The following FMN1 variants were observed in gnomAD, a reference collection of about 807,000 sequenced individuals.
FMN1 encodes the protein formin-1.
A neutral mutation model predicts 132.4 loss-of-function variants in FMN1; 110 were observed. That is an observed-to-expected ratio of 0.83 (90% CI 0.71 to 0.97). The LOEUF (loss-of-function observed/expected upper bound fraction) is 0.97. Among genes scored for constraint, FMN1 ranks in the 50% least tolerant of loss-of-function variants. The pLI is 0.00. For missense variants in FMN1, 1,792 were observed against 1,705.3 expected, an observed-to-expected ratio of 1.05 and a Z score of -0.90; for synonymous variants, 722 against 651.7, an observed-to-expected ratio of 1.11 and a Z score of -1.64.
intron 4 of FMN1, among the ~76,000 whole-genome samples, chr15:33,111,854 T>TA (rs1264103676): frequency 6.6e-6 from 1 of 152,160 alleles, no homozygotes; most frequent in African/African-American, 2.4e-5. Context: ...GAAAATGTTA[T>TA]AAAGTTGATT....
intron 15 of FMN1, among the ~76,000 whole-genome samples, chr15:32,889,656 T>C (rs1287446651): frequency 1.3e-5 from 2 of 152,194 alleles, no homozygotes; most frequent in African/African-American, 4.8e-5. Context: ...ATACTCATCC[T>C]TTAAGTCTTA....
chr15:33,048,118 TAAA>T (rs927744611), intron 6 of FMN1, among the ~76,000 whole-genome samples: 1 of 121,422 alleles, frequency 8.2e-6, no homozygotes, highest in African/African-American at 3.0e-5. Context: ...ATGGGTAAAA[TAAA>T]AATGTCTTCA....
At chr15:32,911,505 T>C (rs2060561787) in intron 10 of FMN1, among the ~76,000 whole-genome samples, 1 of 152,188 alleles carries the variant, frequency 6.6e-6, no homozygotes, top group Non-Finnish European at 1.5e-5. Flanking sequence ...CATTACACCA[T>C]GGTTTTTGGG....
At chr15:32,968,542 T>C (rs2031458407) in intron 8 of FMN1, among the ~76,000 whole-genome samples, 172 bp downstream of exon 8, 1 of 152,112 alleles carries the variant, frequency 6.6e-6, no homozygotes, top group African/African-American at 2.4e-5. Context: ...GAGGCCCTGA[T>C]GGAGACAGAC....
At chr15:33,027,090 A>G (rs969954758) in intron 6 of FMN1, among the ~76,000 whole-genome samples, 34 of 152,096 alleles carry the variant, frequency 2.2e-4, no homozygotes, top group African/African-American at 7.7e-4. Flanking sequence ...TTTTAATGCA[A>G]AAGTTTGGAA....
chr15:33,098,507 A>C (rs1208310908), intron 4 of FMN1, among the ~76,000 whole-genome samples: 2 of 152,200 alleles, frequency 1.3e-5, no homozygotes, highest in Non-Finnish European at 2.9e-5. Context: ...CTGGGAGACA[A>C]TGACACAGGA....
chr15:33,117,361 TCGA>T (rs1335338920), intron 4 of FMN1, among the ~76,000 whole-genome samples: 1 of 151,630 alleles, frequency 6.6e-6, no homozygotes, highest in Non-Finnish European at 1.5e-5. Flanking sequence ...CTTGAAAGCA[TCGA>T]AACCATAGCT....
At chr15:33,140,466 G>A (rs935531168) in intron 4 of FMN1, among the ~76,000 whole-genome samples, 31 of 152,170 alleles carry the variant, frequency 2.0e-4, no homozygotes, top group African/African-American at 7.2e-4. Flanking sequence ...GGCAAGGAAC[G>A]ACAGATTCCC....
intron 9 of FMN1, 91 bp downstream of exon 9, chr15:32,964,016 T>TACACAC (rs374980152): frequency 0.16 from 78,527 of 500,120 alleles, 1,405 homozygotes; most frequent in East Asian, 0.23. Context: ...GTATATACGA[T>TACACAC]ACACACACAC....
intron 7 of FMN1, among the ~76,000 whole-genome samples, chr15:32,981,593 G>A (rs1472061010): frequency 6.7e-6 from 1 of 149,642 alleles, no homozygotes; most frequent in Non-Finnish European, 1.5e-5. Flanking sequence ...AGACTCAACA[G>A]CCTTTGAGTC....
At chr15:32,907,908 C>T (rs868149772) in intron 12 of FMN1, among the ~76,000 whole-genome samples, 4 of 152,050 alleles carry the variant, frequency 2.6e-5, no homozygotes, top group Admixed American at 6.5e-5. Context: ...AGTTACACCC[C>T]GGAGTTCTGG....
At chr15:32,796,158 T>A (rs1465447622) in intron 19 of FMN1, among the ~76,000 whole-genome samples, 2 of 152,232 alleles carry the variant, frequency 1.3e-5, no homozygotes, top group South Asian at 2.1e-4. Flanking sequence ...TCATGAAAAC[T>A]ACCTAAGCAG....
intron 17 of FMN1, among the ~76,000 whole-genome samples, chr15:32,830,820 G>A (rs2058482630): frequency 6.6e-6 from 1 of 152,116 alleles, no homozygotes; most frequent in African/African-American, 2.4e-5. Context: ...ATCAATTAGG[G>A]GTAGGAGCAG....
At chr15:33,070,568 C>T (rs1424938648) in intron 5 of FMN1, among the ~76,000 whole-genome samples, 1 of 152,006 alleles carries the variant, frequency 6.6e-6, no homozygotes, top group Non-Finnish European at 1.5e-5. Context: ...TTCAGTATCC[C>T]CTCAATACTC....
chr15:32,845,615 C>G (rs755913510), intron 17 of FMN1, among the ~76,000 whole-genome samples: 4 of 152,176 alleles, frequency 2.6e-5, no homozygotes, highest in Non-Finnish European at 5.9e-5. Context: ...CCAAGACCCT[C>G]AGACTCAGTT....
At chr15:33,158,090 A>T (rs1964747966) in intron 3 of FMN1, among the ~76,000 whole-genome samples, 2 of 152,168 alleles carry the variant, frequency 1.3e-5, no homozygotes, top group East Asian at 3.9e-4. Context: ...CCCTAAGGTC[A>T]TCCCTTAAAC....
rs12903776 is a variant in FMN1 at position 33,046,950 on chromosome 15, G to C, written c.2161+18007C>G. On this transcript the variant is annotated intron_variant, in intron 6 of 20. Coordinates refer to ENST00000616417, the MANE Select transcript of FMN1 (RefSeq NM_001277313.2). Reference sequence around the variant, plus strand: ...CATGGGCTTAGAACCTCATAAACCCGCTGTTCAAGCCAGTCTGGCAAACTG... The same window carrying C: ...CATGGGCTTAGAACCTCATAAACCCCCTGTTCAAGCCAGTCTGGCAAACTG... 9.2e-3 allele frequency among the ~76,000 whole-genome samples: 1,407 copies of C among 152,272 alleles called. 8 individuals are homozygous for C. Among genetic ancestry groups the C allele is most frequent in the Non-Finnish European group, 0.014 (962 of 68,028 alleles).
At chr15:33,103,631 C>G (rs558592460) in intron 4 of FMN1, among the ~76,000 whole-genome samples, 1 of 152,056 alleles carries the variant, frequency 6.6e-6, no homozygotes, top group African/African-American at 2.4e-5. Flanking sequence ...CTCATCCTCC[C>G]TTCAAACTAA....
At chr15:33,081,445 T>TA (rs2038454726) in intron 5 of FMN1, among the ~76,000 whole-genome samples, 1 of 152,202 alleles carries the variant, frequency 6.6e-6, no homozygotes, top group African/African-American at 2.4e-5. Flanking sequence ...AGACCCAGGA[T>TA]ACCTGGTGCA....
Sources: gnomAD v4.1 joint callset for allele counts (sites outside exome capture counted in the v4.1 genomes callset) on GRCh38, gnomAD v4.1.1 for gene constraint, MANE v1.5 for transcripts, NCBI Gene and HGNC (gene_info 2026-07-23, HGNC 2026-07-21) for gene names.